Variants in MAGI2 observed in about 807,000 individuals in gnomAD.
MAGI2 encodes the protein membrane-associated guanylate kinase, WW and PDZ domain-containing protein 2.
A neutral mutation model predicts 133.3 loss-of-function variants in MAGI2; 35 were observed. The observed-to-expected ratio is 0.26, with a 90% CI of 0.20 to 0.35. The LOEUF (loss-of-function observed/expected upper bound fraction) is 0.35. Among genes scored for constraint, MAGI2 ranks in the 10% least tolerant of loss-of-function variants. MAGI2 has a pLI of 1.00. For missense variants in MAGI2, 1,636 were observed against 1,863.4 expected (o/e 0.88, Z 2.25); for synonymous variants, 729 against 710.6 (o/e 1.03, Z -0.41).
At chr7:78,927,430 TTAG>T (rs1799794795) in intron 2 of MAGI2, among the ~76,000 whole-genome samples, 1 of 151,990 alleles carries the variant, frequency 6.6e-6, no homozygotes, top group Non-Finnish European at 1.5e-5. Context: ...ATTTAGGAAG[TTAG>T]TGGTGAAATC....
chr7:78,740,022 G>A (rs543528747), intron 2 of MAGI2, among the ~76,000 whole-genome samples: 38 of 152,186 alleles, frequency 2.5e-4, no homozygotes, highest in African/African-American at 6.7e-4. Flanking sequence ...TTAGCTGGGC[G>A]TGGTGGCGGG....
intron 10 of MAGI2, among the ~76,000 whole-genome samples, chr7:78,207,576 C>CT (rs917760889): frequency 6.6e-6 from 1 of 152,164 alleles, no homozygotes; most frequent in Non-Finnish European, 1.5e-5. Flanking sequence ...ATGTTATTCA[C>CT]TTTTTTTCTG....
chr7:78,786,966 T>C (rs1451693780), intron 2 of MAGI2, among the ~76,000 whole-genome samples: 2 of 151,890 alleles, frequency 1.3e-5, no homozygotes, highest in African/African-American at 2.4e-5. Flanking sequence ...CTTTTTTTGT[T>C]TTTAGACAGA....
At chr7:79,303,249 A>C (rs569761431) in intron 1 of MAGI2, among the ~76,000 whole-genome samples, 2 of 152,156 alleles carry the variant, frequency 1.3e-5, no homozygotes, top group Non-Finnish European at 2.9e-5. Flanking sequence ...AAACTTCACT[A>C]TACAATCCAT....
intron 6 of MAGI2, chr7:78,486,343 C>T (rs10261359): frequency 0.34 from 52,317 of 151,748 alleles, 9,165 homozygotes; most frequent in South Asian, 0.48. Context: ...CAAGACCTGC[C>T]AAGAGTAGAG....
At position 78,457,161 on chromosome 7, in the gene MAGI2, G is replaced by A. The variant is rs148865895; in HGVS notation, c.1045+32600C>T. The stretch of plus-strand genomic sequence containing the variant: ...GCTTTCCACCTACTAGCCCTGCCCC[G>A]CTTTAGGTGTCAGCAAACTAGTTGG... On this transcript the variant is annotated intron_variant, in intron 6 of 21. Transcript: ENST00000354212. Among the ~76,000 whole-genome samples the A allele has an allele frequency of 1.5e-3, 230 of 152,296 alleles. 2 individuals are homozygous for A. Among genetic ancestry groups the A allele is most frequent in the African/African-American group, 4.9e-3 (202 of 41,562 alleles).
In MAGI2 at chr7:79,324,414, T is replaced by A. The variant is rs543132986; in HGVS notation, c.301+128606A>T. On this transcript the variant is annotated intron_variant, in intron 1 of 21. Transcript: ENST00000354212. ...TGTATATATATATACACACAACGTATCTATCTATAACCATATATATATAAC... is the reference window on the plus strand; with the variant it reads ...TGTATATATATATACACACAACGTAACTATCTATAACCATATATATATAAC... Among the ~76,000 whole-genome samples, 8 of 130,926 alleles carry A rather than the reference T, an allele frequency of 6.1e-5. No individual in the cohort carries two copies. The East Asian group carries it at 1.5e-3, about 25-fold the overall frequency. The allele number at this position is 130,926 out of a possible 152,430, so 85.9% of individuals were successfully genotyped here.
intron 1 of MAGI2, among the ~76,000 whole-genome samples, chr7:79,436,733 C>T (rs1848169657): frequency 6.6e-6 from 1 of 152,098 alleles, no homozygotes; most frequent in African/African-American, 2.4e-5. Flanking sequence ...AGGGAATATT[C>T]ATATACTGTT....
intron 2 of MAGI2, among the ~76,000 whole-genome samples, chr7:78,938,937 G>T (rs1159084875): frequency 6.6e-6 from 1 of 152,100 alleles, no homozygotes; most frequent in African/African-American, 2.4e-5. Flanking sequence ...GAGCCTACCG[G>T]TTGGAGTTAA....
chr7:78,992,431 T>C (rs904133058), intron 2 of MAGI2, among the ~76,000 whole-genome samples: 1 of 152,054 alleles, frequency 6.6e-6, no homozygotes, highest in African/African-American at 2.4e-5. Context: ...TTTTAATCTC[T>C]TTAAATTTAA....
chr7:79,001,914 T>C (rs1005851646), intron 2 of MAGI2, among the ~76,000 whole-genome samples: 2 of 152,188 alleles, frequency 1.3e-5, no homozygotes, highest in African/African-American at 4.8e-5. Flanking sequence ...TGAGGGTAAT[T>C]GAAATCCCAT....
At chr7:79,046,936 G>A (rs998735910) in intron 1 of MAGI2, among the ~76,000 whole-genome samples, 8 of 152,164 alleles carry the variant, frequency 5.3e-5, no homozygotes, top group Admixed American at 4.6e-4. Context: ...TGCAGCTGAG[G>A]TCTTGTATCT....
chr7:78,873,829 G>A (rs945973395), intron 2 of MAGI2, among the ~76,000 whole-genome samples: 2 of 152,010 alleles, frequency 1.3e-5, no homozygotes, highest in African/African-American at 2.4e-5. Context: ...AAAAAGTGCT[G>A]AGTACTACTT....
At chr7:78,571,861 A>T (rs975806914) in intron 3 of MAGI2, among the ~76,000 whole-genome samples, 8 of 152,190 alleles carry the variant, frequency 5.3e-5, no homozygotes, top group African/African-American at 9.6e-5. Flanking sequence ...AAATTTTTCT[A>T]AGAATAGAAT....
intron 6 of MAGI2, among the ~76,000 whole-genome samples, chr7:78,488,182 A>C (rs550551548): frequency 6.6e-6 from 1 of 152,190 alleles, no homozygotes; most frequent in African/African-American, 2.4e-5. Flanking sequence ...GAATTCTAGA[A>C]CTTGTTTCTC....
intron 2 of MAGI2, among the ~76,000 whole-genome samples, chr7:78,699,927 C>T (rs1667176775): frequency 6.6e-6 from 1 of 151,664 alleles, no homozygotes; most frequent in Admixed American, 6.6e-5. Flanking sequence ...AATGTAAGTC[C>T]CCCATTTGAG....
intron 6 of MAGI2, among the ~76,000 whole-genome samples, chr7:78,483,086 T>A (rs1792588785): frequency 1.3e-5 from 2 of 151,876 alleles, no homozygotes; most frequent in Admixed American, 1.3e-4. Context: ...CTAGTTTTGA[T>A]ATTGTACTGT....
intron 1 of MAGI2, among the ~76,000 whole-genome samples, chr7:79,298,644 C>A (rs892485625): frequency 1.3e-5 from 2 of 152,054 alleles, no homozygotes; most frequent in African/African-American, 4.8e-5. Context: ...ATGGTCTCTA[C>A]TTGGGGCTAA....
At chr7:78,845,878 T>C (rs1423109105) in intron 2 of MAGI2, among the ~76,000 whole-genome samples, 3 of 151,776 alleles carry the variant, frequency 2.0e-5, no homozygotes, top group Admixed American at 6.6e-5. Context: ...GAGAGTGACA[T>C]CATTTGCAGG....
Sources: allele counts gnomAD v4.1 joint callset (sites outside exome capture counted in the v4.1 genomes callset), GRCh38; gene constraint gnomAD v4.1.1; transcripts MANE v1.5; gene names NCBI Gene and HGNC (gene_info 2026-07-23, HGNC 2026-07-21).